Variants in PDE3B observed in about 807,000 individuals in gnomAD.
PDE3B encodes the protein cGMP-inhibited 3',5'-cyclic phosphodiesterase 3B.
In PDE3B, 66 loss-of-function variants were observed where a neutral mutation model predicts 116.8. The observed-to-expected ratio is 0.56, with a 90% CI of 0.46 to 0.69. The LOEUF is 0.69. Among genes scored for constraint, PDE3B ranks in the 30% least tolerant of loss-of-function variants. The pLI is 0.00. For synonymous variants in PDE3B, 595 were observed against 533.6 expected, an observed-to-expected ratio of 1.12 and a Z score of -1.59; for missense variants, 1,384 against 1,368.1, an observed-to-expected ratio of 1.01 and a Z score of -0.18.
chr11:14,726,537 T>G (rs1232506623), intron 1 of PDE3B, among the ~76,000 whole-genome samples: 1 of 152,104 alleles, frequency 6.6e-6, no homozygotes, highest in Non-Finnish European at 1.5e-5. Flanking sequence ...TATCAAGAGA[T>G]AGTATGGAGC....
intron 4 of PDE3B, among the ~76,000 whole-genome samples, chr11:14,801,837 G>T (rs895983633): frequency 2.0e-5 from 3 of 152,348 alleles, no homozygotes; most frequent in Non-Finnish European, 4.4e-5. Flanking sequence ...CCTGCCCAGA[G>T]TGGAGAAATC....
intron 1 of PDE3B, among the ~76,000 whole-genome samples, chr11:14,729,440 T>A (rs1856397804): frequency 6.6e-6 from 1 of 152,228 alleles, no homozygotes; most frequent in South Asian, 2.1e-4. Flanking sequence ...TTTCTCAAAT[T>A]TCTTCAATGA....
At chr11:14,888,327 A>G in the PDE3B span, among the ~76,000 whole-genome samples, 1 of 152,254 alleles carries the variant, frequency 6.6e-6, no homozygotes, top group Admixed American at 6.5e-5. Context: ...GCATATGACA[A>G]TAGAAATATA....
intron 1 of PDE3B, among the ~76,000 whole-genome samples, chr11:14,724,191 G>T (rs1051326435): frequency 1.3e-5 from 2 of 152,156 alleles, no homozygotes; most frequent in African/African-American, 4.8e-5. Context: ...ACAGGACTTG[G>T]TGAGAAAATT....
At chr11:14,665,958 A>T (rs1174351845) in intron 1 of PDE3B, among the ~76,000 whole-genome samples, 1 of 152,234 alleles carries the variant, frequency 6.6e-6, no homozygotes, top group East Asian at 1.9e-4. Context: ...GAATGAAAAA[A>T]GAGCCCGCAT....
intron 1 of PDE3B, among the ~76,000 whole-genome samples, chr11:14,734,727 G>T (rs376711917): frequency 6.6e-6 from 1 of 151,798 alleles, no homozygotes; most frequent in Non-Finnish European, 1.5e-5. Context: ...AAATTTATTC[G>T]GTGGAAATCT....
chr11:14,697,160 A>G (rs942813892), intron 1 of PDE3B, among the ~76,000 whole-genome samples: 1 of 151,402 alleles, frequency 6.6e-6, no homozygotes, highest in African/African-American at 2.4e-5. Context: ...CTGGCCTCAC[A>G]CTCCTGGGCT....
At position 14,771,940 on chromosome 11, in the gene PDE3B, A is replaced by G; in HGVS notation, c.982A>G (p.Ile328Val). The G allele has an allele frequency of 7.6e-7, 1 of 1,323,384 alleles. No homozygotes were observed. The highest frequency in any genetic ancestry group is 1.0e-6 in the Non-Finnish European group (1 of 989,216). 82.0% of individuals were successfully genotyped at this position (1,323,384 alleles called of 1,614,324 possible). The change falls in exon 2 of 16, where the codon ATT becomes GTT. Residue 328 changes from isoleucine to valine, a missense_variant. Ile to Val is a conservative substitution (Grantham distance 29). Transcript: ENST00000282096. ...SLPCISREQM[I>V]LWDWDLKQWY... Reference sequence around the variant, plus strand: ...CCAAGTGAATTTTTTTTTCTAGATGATTCTTTGGGATTGGGACTTAAAACA... The same window carrying G: ...CCAAGTGAATTTTTTTTTCTAGATGGTTCTTTGGGATTGGGACTTAAAACA...
chr11:14,799,318 CT>C (rs1858668822), intron 4 of PDE3B, among the ~76,000 whole-genome samples: 1 of 152,110 alleles, frequency 6.6e-6, no homozygotes, highest in Non-Finnish European at 1.5e-5. Flanking sequence ...GATTTCTGTT[CT>C]TTTGCCTTTG....
intron 1 of PDE3B, among the ~76,000 whole-genome samples, chr11:14,658,113 G>A (rs1315568755): frequency 2.0e-5 from 3 of 152,094 alleles, no homozygotes; most frequent in Non-Finnish European, 4.4e-5. Flanking sequence ...AGCAAAAAAA[G>A]GGGTAGAATT....
At chr11:14,673,285 A>G (rs1854428424) in intron 1 of PDE3B, among the ~76,000 whole-genome samples, 2 of 152,116 alleles carry the variant, frequency 1.3e-5, no homozygotes, top group African/African-American at 4.8e-5. Context: ...AAAAGTGCGT[A>G]GTGTCAAAGG....
At chr11:14,847,751 A>C (rs1016094426) in intron 12 of PDE3B, among the ~76,000 whole-genome samples, 2 of 152,228 alleles carry the variant, frequency 1.3e-5, no homozygotes, top group Non-Finnish European at 2.9e-5. Flanking sequence ...AAATGGATAC[A>C]TTCCTCGACA....
At chr11:14,773,959 T>A (rs1468199987) in intron 2 of PDE3B, 1 of 152,260 alleles carries the variant, frequency 6.6e-6, no homozygotes, top group Non-Finnish European at 1.5e-5. Flanking sequence ...AGCTCTGAAC[T>A]CCAATTTCGG....
intron 1 of PDE3B, among the ~76,000 whole-genome samples, chr11:14,660,028 T>C (rs956184640): frequency 6.6e-6 from 1 of 152,206 alleles, no homozygotes; most frequent in Non-Finnish European, 1.5e-5. Flanking sequence ...AAAGGTTCTC[T>C]TTAGGCAGAT....
At chr11:14,758,727 A>T (rs1178603139) in intron 1 of PDE3B, among the ~76,000 whole-genome samples, 1 of 151,464 alleles carries the variant, frequency 6.6e-6, no homozygotes, top group Admixed American at 6.6e-5. Context: ...GGTTTTCTAG[A>T]TATACAATCA....
intron 1 of PDE3B, among the ~76,000 whole-genome samples, chr11:14,687,664 A>G (rs1275991116): frequency 1.1e-4 from 16 of 152,126 alleles, no homozygotes; most frequent in Admixed American, 1.0e-3. Flanking sequence ...ATAATTTGAG[A>G]TAAGATGATA....
intron 12 of PDE3B, among the ~76,000 whole-genome samples, chr11:14,858,106 G>A (rs1428388763): frequency 1.3e-5 from 2 of 152,072 alleles, no homozygotes; most frequent in African/African-American, 4.8e-5. Context: ...CTAGGCTATA[G>A]CTAATTTTCA....
chr11:14,786,033 CA>C (rs1858181201), intron 2 of PDE3B, among the ~76,000 whole-genome samples: 1 of 152,024 alleles, frequency 6.6e-6, no homozygotes, highest in African/African-American at 2.4e-5. Context: ...CAAGGTCACA[CA>C]GGTAAGATTA....
intron 14 of PDE3B, among the ~76,000 whole-genome samples, chr11:14,863,171 G>A (rs1555007514): frequency 6.6e-6 from 1 of 152,004 alleles, no homozygotes; most frequent in Non-Finnish European, 1.5e-5. Flanking sequence ...TGAGAATGAT[G>A]GTTTCCAGCT....
Sources: allele counts gnomAD v4.1 joint callset (sites outside exome capture counted in the v4.1 genomes callset), GRCh38; gene constraint gnomAD v4.1.1; transcripts MANE v1.5; gene names NCBI Gene and HGNC (gene_info 2026-07-23, HGNC 2026-07-21).